MFGE8: variants seen among roughly 807,000 people sequenced by gnomAD.
The protein encoded by MFGE8 is milk fat globule EGF and factor V/VIII domain containing.
A neutral mutation model predicts 42.6 loss-of-function variants in MFGE8; 34 were observed. The observed-to-expected ratio is 0.80, with a 90% CI of 0.61 to 1.06. MFGE8 has a LOEUF of 1.06. Among genes scored for constraint, MFGE8 ranks in the 50% least tolerant of loss-of-function variants. MFGE8 has a pLI of 0.00. For missense variants in MFGE8, 510 were observed against 516.9 expected, an observed-to-expected ratio of 0.99 and a Z score of 0.13; for synonymous variants, 230 against 214.8, an observed-to-expected ratio of 1.07 and a Z score of -0.62.
chr15:88,907,307 C>A lies in MFGE8; in HGVS notation c.275G>T (p.Arg92Leu). Residue 92 changes from arginine (R) to leucine (L), a missense_variant, in exon 3 of 8, where the codon CGT (arginine) becomes CTT (leucine). Physicochemically the swap from Arg to Leu is moderately radical, Grantham distance 102 (BLOSUM62 -2). Coordinates refer to ENST00000268150, the MANE Select transcript of MFGE8 (RefSeq NM_005928.4). ...ANSQIAASSVRVTFLGLQHWV... is the reference protein window; with the variant it reads ...ANSQIAASSVLVTFLGLQHWV... ...ATGCTGCAAACCCAAGAAGGTCACA[C>A]GCACAGACGAGGCGGCGATCTGTGA... 1.2e-6 allele frequency: 2 copies of A among 1,614,172 alleles called. No homozygotes were observed. The highest frequency in any genetic ancestry group is 1.7e-6 in the Non-Finnish European group (2 of 1,180,042).
chr15:88,900,728 G>C (rs1898320352), intron 6 of MFGE8: 1 of 985,308 alleles, frequency 1.0e-6, no homozygotes, highest in African/African-American at 1.7e-5. Context: ...TATAAAACAA[G>C]CTCCGGTTTT....
In MFGE8 at chr15:88,899,509, G is replaced by C. The variant is rs750560354; in HGVS notation, c.1050C>G (p.Asn350Lys). 1.9e-6 allele frequency: 3 copies of C among 1,614,088 alleles called. No individual in the cohort carries two copies. In the Admixed American group the frequency reaches 5.0e-5, roughly 27 times the overall value. The change falls in exon 8 of 8, where the codon AAC becomes AAG. Residue 350 changes from asparagine to lysine, a missense_variant. Physicochemically the swap from Asn to Lys is moderately conservative, Grantham distance 94 (BLOSUM62 0). Transcript: ENST00000268150. This position sits in a 1 kb window ranked among gnomAD's most constrained non-coding sequence, Gnocchi z 6.8. The part of the protein sequence containing the change: ...SSKIFPGNWD[N>K]HSHKKNLFET... ...CAAACAAGTTCTTCTTGTGGGAGTG[G>C]TTGTCCCAGTTGCCAGGGAAGATCT... is the stretch of plus-strand genomic sequence containing the variant.
At chr15:88,912,292 A>G (rs1899001649) in intron 1 of MFGE8, 1 of 1,284,358 alleles carries the variant, frequency 7.8e-7, no homozygotes. Context: ...GGCTAAGAAG[A>G]TCCAGCTGTC....
rs1898703520 is a variant in MFGE8 at position 88,906,796 on chromosome 15, G to A, written c.388-18C>T. The A allele has an allele frequency of 6.2e-7, 1 of 1,612,258 alleles. No individual in the cohort carries two copies. Among genetic ancestry groups the A allele is most frequent in the African/African-American group, 1.3e-5 (1 of 74,970 alleles). ...AGGTTCACCTGGACACAGGGCAGGG[G>A]AGATGGCACCCTTATCTCCTGGGTT... On this transcript the variant is annotated intron_variant, in intron 3 of 7. Coordinates refer to ENST00000268150, the MANE Select transcript of MFGE8 (RefSeq NM_005928.4). This position sits in a 1 kb window ranked among gnomAD's most constrained non-coding sequence, Gnocchi z 4.2.
intron 2 of MFGE8, among the ~76,000 whole-genome samples, chr15:88,909,160 T>C (rs28384224): frequency 0.51 from 76,847 of 152,038 alleles, 20,059 homozygotes; most frequent in Middle Eastern, 0.55. Context: ...GAACTGCTGT[T>C]GCCACCCCAC....
At chr15:88,907,489 C>T in intron 2 of MFGE8, 113 bp from the exon 3 acceptor site, 1 of 929,756 alleles carries the variant, frequency 1.1e-6, no homozygotes, top group East Asian at 2.5e-5. Context: ...GCCCCAGGGC[C>T]AGGGAGAACC....
intron 6 of MFGE8, chr15:88,900,670 G>A: frequency 3.1e-6 from 3 of 981,038 alleles, no homozygotes; most frequent in South Asian, 4.7e-5. Context: ...CAGCCAGCAG[G>A]TGGGTACTAG....
intron 1 of MFGE8, chr15:88,912,514 C>G (rs1370763068): frequency 1.0e-6 from 1 of 985,276 alleles, no homozygotes; most frequent in Non-Finnish European, 1.2e-6. Flanking sequence ...CAGCGCTCCA[C>G]GGTGAATGGC....
Position 88,906,584 on chromosome 15 carries a change from G to A in MFGE8, c.540+42C>T, listed in dbSNP as rs1898686758. The A allele has an allele frequency of 5.0e-6, 8 of 1,611,746 alleles. No individual in the cohort carries two copies. The highest frequency in any genetic ancestry group is 1.7e-5 in the Admixed American group (1 of 59,984). On this transcript the variant is annotated intron_variant, in intron 4 of 7. Coordinates refer to ENST00000268150, the MANE Select transcript of MFGE8 (RefSeq NM_005928.4). This position sits in a 1 kb window ranked among gnomAD's most constrained non-coding sequence, Gnocchi z 4.2. Reference sequence around the variant, plus strand: ...TCAGTCAATGCTAGAACCTTAGGGGGTATGGACCACAGCCCTTCTTTCGGG... The same window carrying A: ...TCAGTCAATGCTAGAACCTTAGGGGATATGGACCACAGCCCTTCTTTCGGG...
Position 88,907,262 on chromosome 15 carries a change from C to A in MFGE8, c.320G>T (p.Arg107Leu), listed in dbSNP as rs763622380. The A allele has an allele frequency of 1.9e-6, 3 of 1,614,150 alleles. No homozygotes were observed. The highest frequency in any genetic ancestry group is 1.7e-5 in the Admixed American group (1 of 60,024). ...GLQHWVPELARLNRAGMVNAW... is the reference protein window; with the variant it reads ...GLQHWVPELALLNRAGMVNAW... ...ATTGACCATGCCTGCGCGGTTCAGGCGGGCCAGCTCCGGGACCCAATGCTG... is the reference window on the plus strand; with the variant it reads ...ATTGACCATGCCTGCGCGGTTCAGGAGGGCCAGCTCCGGGACCCAATGCTG... The change falls in exon 3 of 8, where the codon CGC (arginine) becomes CTC (leucine). Residue 107 changes from arginine (R) to leucine (L), a missense_variant. By Grantham distance (102) the Arg-to-Leu change is moderately radical (BLOSUM62 -2). Coordinates refer to ENST00000268150, the MANE Select transcript of MFGE8 (RefSeq NM_005928.4).
In MFGE8 at chr15:88,907,386, G is replaced by C; in HGVS notation, c.206-10C>G. The C allele has an allele frequency of 6.2e-7, 1 of 1,614,024 alleles. No individual in the cohort carries two copies. The highest frequency in any genetic ancestry group is 1.7e-5 in the Admixed American group (1 of 60,016). ...AGTGGCTCGACACATTCTGAGGGAA[G>C]GGAGGTGGCAGTCAGGTGGCTACCC... On this transcript the variant is annotated splice_polypyrimidine_tract_variant and intron_variant, in intron 2 of 7. Coordinates refer to ENST00000268150, the MANE Select transcript of MFGE8 (RefSeq NM_005928.4).
rs1265524892 is a variant in MFGE8 at position 88,906,436 on chromosome 15, T to C, written c.540+190A>G. ...ACTAGTCTCATCTCTAAAGTGGGAC[T>C]ATTGCTTATAAACCACAGAACATGG... On this transcript the variant is annotated intron_variant, in intron 4 of 7. Transcript: ENST00000268150. This position sits in a 1 kb window ranked among gnomAD's most constrained non-coding sequence, Gnocchi z 4.2. The C allele has an allele frequency of 3.0e-6, 2 of 664,250 alleles. No homozygotes were observed. The highest frequency in any genetic ancestry group is 5.5e-6 in the Non-Finnish European group (2 of 366,214). 41.1% of individuals were successfully genotyped at this position (664,250 alleles called of 1,614,324 possible).
In MFGE8 at chr15:88,903,196, T is replaced by A. The variant is rs1008575554; in HGVS notation, c.686-1461A>T. 1 of 152,224 alleles carries A rather than the reference T, an allele frequency of 6.6e-6. No individual in the cohort carries two copies. Among genetic ancestry groups the A allele is most frequent in the African/African-American group, 2.4e-5 (1 of 41,446 alleles). The allele number at this position is 152,224 out of a possible 1,614,324, so 9.4% of individuals were successfully genotyped here. On this transcript the variant is annotated intron_variant, in intron 5 of 7. Coordinates refer to ENST00000268150, the MANE Select transcript of MFGE8 (RefSeq NM_005928.4). This position sits in a 1 kb window ranked among gnomAD's most constrained non-coding sequence, Gnocchi z 4.9. Reference sequence around the variant, plus strand: ...TCAACGCAGACCCCTCTACAGATCATCTGCTTCTAGTGGTTCATACCCTCC... The same window carrying A: ...TCAACGCAGACCCCTCTACAGATCAACTGCTTCTAGTGGTTCATACCCTCC...
intron 1 of MFGE8, 64 bp from the exon 2 acceptor site, chr15:88,909,987 G>A (rs549397914): frequency 3.0e-5 from 48 of 1,602,286 alleles, no homozygotes; most frequent in Non-Finnish European, 3.6e-5. Flanking sequence ...CAGGTGAGAA[G>A]TAGCAGATGG....
chr15:88,905,992 G>A lies in MFGE8; in HGVS notation c.541-91C>T, dbSNP rs1898658783. The stretch of plus-strand genomic sequence containing the variant: ...CTCATCTTCCTCTTCAGACCTGGGA[G>A]GCAGAGGTGGGGCTGGGAGGGTGAA... On this transcript the variant is annotated intron_variant, in intron 4 of 7. Transcript: ENST00000268150. This position sits in a 1 kb window ranked among gnomAD's most constrained non-coding sequence, Gnocchi z 6.6. 6.7e-7 allele frequency: 1 copy of A among 1,492,986 alleles called. No homozygotes were observed. The highest frequency in any genetic ancestry group is 1.7e-5 in the Admixed American group (1 of 59,418). The allele number at this position is 1,492,986 out of a possible 1,614,324, so 92.5% of individuals were successfully genotyped here. A position where few individuals can be genotyped will look rare whatever the true frequency, so the allele number is the denominator to read the frequency against.
rs1898663085 is a variant in MFGE8, at chr15:88,906,105, T to A, written c.541-204A>T. On this transcript the variant is annotated intron_variant, in intron 4 of 7. Coordinates refer to ENST00000268150, the MANE Select transcript of MFGE8 (RefSeq NM_005928.4). This position sits in a 1 kb window ranked among gnomAD's most constrained non-coding sequence, Gnocchi z 4.2. ...CTCCACAAAGATTCTCCTCTCACTTTCCTTAATCATCATGGAGCCTGGGCA... is the reference window on the plus strand; with the variant it reads ...CTCCACAAAGATTCTCCTCTCACTTACCTTAATCATCATGGAGCCTGGGCA... 1 of 627,806 alleles carries A rather than the reference T, an allele frequency of 1.6e-6. No individual in the cohort carries two copies. The highest frequency in any genetic ancestry group is 1.8e-5 in the African/African-American group (1 of 54,714). The allele number at this position is 627,806 out of a possible 1,614,324, so 38.9% of individuals were successfully genotyped here. A position where few individuals can be genotyped will look rare whatever the true frequency, so the allele number is the denominator to read the frequency against.
At chr15:88,913,176 G>A (rs1899049067) in intron 1 of MFGE8, 71 bp downstream of exon 1, 3 of 1,472,282 alleles carry the variant, frequency 2.0e-6, no homozygotes, top group African/African-American at 1.5e-5. Flanking sequence ...GGTGGAGGGC[G>A]GGCGCCGGGC....
Position 88,907,301 on chromosome 15 carries a change from G to A in MFGE8, c.281C>T (p.Thr94Ile), listed in dbSNP as rs757619658. ...SQIAASSVRV[T>I]FLGLQHWVPE... Reference sequence around the variant, plus strand: ...GACCCAATGCTGCAAACCCAAGAAGGTCACACGCACAGACGAGGCGGCGAT... The same window carrying A: ...GACCCAATGCTGCAAACCCAAGAAGATCACACGCACAGACGAGGCGGCGAT... Residue 94 changes from threonine (T) to isoleucine (I), a missense_variant, in exon 3 of 8, where the codon ACC becomes ATC. Physicochemically the swap from Thr to Ile is moderately conservative, Grantham distance 89 (BLOSUM62 -1). Coordinates refer to ENST00000268150, the MANE Select transcript of MFGE8 (RefSeq NM_005928.4). The A allele has an allele frequency of 5.2e-5, 84 of 1,614,098 alleles. No individual in the cohort carries two copies. Among genetic ancestry groups the A allele is most frequent in the Non-Finnish European group, 7.1e-5 (84 of 1,180,044 alleles).
In MFGE8 at chr15:88,913,311, G is replaced by GCGCGGCATGCTGCGGGGA; in HGVS notation, c.-10_8dup (p.Arg5_Leu6insSerMetProArgProArg). On this transcript the variant is annotated inframe_insertion, in exon 1 of 8. Transcript: ENST00000268150. ...CGCACAGCGCGGCCAGCAGGCGGGG[G>GCGCGGCATGCTGCGGGGA]CGCGGCATGCTGCGGGGACGCGGGC... is the stretch of plus-strand genomic sequence containing the variant. 3 of 1,457,614 alleles carry GCGCGGCATGCTGCGGGGA rather than the reference G, an allele frequency of 2.1e-6. No individual in the cohort carries two copies. The highest frequency in any genetic ancestry group is 2.7e-6 in the Non-Finnish European group (3 of 1,115,608). 90.3% of individuals were successfully genotyped at this position (1,457,614 alleles called of 1,614,324 possible).
Sources: allele counts gnomAD v4.1 joint callset (sites outside exome capture counted in the v4.1 genomes callset), GRCh38; gene constraint gnomAD v4.1.1; non-coding constraint Gnocchi (gnomAD v3.1); transcripts MANE v1.5; gene names NCBI Gene and HGNC (gene_info 2026-07-23, HGNC 2026-07-21).